The following SHISA9 variants were observed in gnomAD, a reference collection of about 807,000 sequenced individuals.
The protein encoded by SHISA9 is protein shisa-9.
SHISA9 carries 13 observed loss-of-function variants against 38.0 expected under a neutral mutation model. The observed-to-expected ratio is 0.34, with a 90% CI of 0.22 to 0.54. The LOEUF (loss-of-function observed/expected upper bound fraction) is 0.54. Ranked by LOEUF, SHISA9 falls within the 20% of genes least tolerant of loss-of-function variation. The pLI, the probability that SHISA9 is intolerant of heterozygous loss-of-function variation, is 0.91. For synonymous variants in SHISA9, 275 were observed against 242.0 expected, an observed-to-expected ratio of 1.14 and a Z score of -1.27; for missense variants, 538 against 575.8, an observed-to-expected ratio of 0.93 and a Z score of 0.67.
chr16:13,204,175 TATC>T (rs2051038936), intron 3 of SHISA9, among the ~76,000 whole-genome samples: 3 of 151,158 alleles, frequency 2.0e-5, no homozygotes, highest in Non-Finnish European at 2.9e-5. Context: ...TCTATTTATC[TATC>T]ATCTTTCTAT....
At chr16:13,514,812 A>G in the SHISA9 span, among the ~76,000 whole-genome samples, 5 of 152,184 alleles carry the variant, frequency 3.3e-5, no homozygotes, top group Non-Finnish European at 7.3e-5. Flanking sequence ...AAAAATGAAG[A>G]AAACCGCATC....
chr16:13,069,167 G>A (rs1323464306), intron 2 of SHISA9, among the ~76,000 whole-genome samples: 2 of 149,384 alleles, frequency 1.3e-5, no homozygotes, highest in Non-Finnish European at 2.9e-5. Context: ...GTATATATGT[G>A]TGTACATGCA....
the SHISA9 span, among the ~76,000 whole-genome samples, chr16:13,294,324 G>A: frequency 7.9e-5 from 12 of 152,280 alleles, no homozygotes; most frequent in South Asian, 2.1e-4. Context: ...TTGTTAATAC[G>A]TCTGCAAATC....
chr16:12,935,001 T>C (rs956690835), intron 2 of SHISA9, among the ~76,000 whole-genome samples: 1 of 82,320 alleles, frequency 1.2e-5, no homozygotes, highest in African/African-American at 3.9e-5. Context: ...CCTGCTGATA[T>C]GAATTATTCC....
the SHISA9 span, among the ~76,000 whole-genome samples, chr16:13,306,881 G>A: frequency 1.3e-5 from 2 of 152,120 alleles, no homozygotes; most frequent in Admixed American, 6.5e-5. Context: ...ATGTATGTGT[G>A]TATATATACA....
chr16:13,203,954 G>C (rs1290746025), intron 3 of SHISA9, among the ~76,000 whole-genome samples: 1 of 150,008 alleles, frequency 6.7e-6, no homozygotes, highest in Non-Finnish European at 1.5e-5. Flanking sequence ...CCTATCATCT[G>C]TCTGTCTATC....
chr16:13,537,961 C>A, the SHISA9 span, among the ~76,000 whole-genome samples: 1 of 152,016 alleles, frequency 6.6e-6, no homozygotes. Context: ...CTACTTTTTT[C>A]ATCTTTTTTG....
chr16:12,985,216 C>CG, intron 2 of SHISA9, among the ~76,000 whole-genome samples: 1 of 146,962 alleles, frequency 6.8e-6, no homozygotes, highest in East Asian at 2.0e-4. Flanking sequence ...CTATATCTGT[C>CG]AACGAAAAAT....
At chr16:13,541,898 G>C in the SHISA9 span, among the ~76,000 whole-genome samples, 1 of 152,202 alleles carries the variant, frequency 6.6e-6, no homozygotes. Context: ...ATACTGGGTC[G>C]AATGCTGCCC....
At chr16:13,491,559 G>T in the SHISA9 span, among the ~76,000 whole-genome samples, 1 of 151,914 alleles carries the variant, frequency 6.6e-6, no homozygotes, top group Non-Finnish European at 1.5e-5. Flanking sequence ...CACCATCTCA[G>T]CTCCTACAAC....
intron 2 of SHISA9, among the ~76,000 whole-genome samples, chr16:13,157,057 T>A (rs2050553657): frequency 6.6e-6 from 1 of 152,212 alleles, no homozygotes; most frequent in African/African-American, 2.4e-5. Context: ...GTTTCTGTGT[T>A]CCACTCTTTC....
chr16:13,149,061 ACTG>A (rs1438440701), intron 2 of SHISA9, among the ~76,000 whole-genome samples: 2 of 152,112 alleles, frequency 1.3e-5, no homozygotes, highest in African/African-American at 4.8e-5. Flanking sequence ...AGGGATATTT[ACTG>A]CTGTGGTGAA....
chr16:13,090,688 A>T (rs746630278), intron 2 of SHISA9, among the ~76,000 whole-genome samples: 8 of 152,142 alleles, frequency 5.3e-5, no homozygotes, highest in African/African-American at 1.9e-4. Flanking sequence ...TTTTGAGCCT[A>T]TGTGCATCGT....
intron 4 of SHISA9, among the ~76,000 whole-genome samples, chr16:13,221,162 GGT>G (rs2051221006): frequency 6.6e-6 from 1 of 152,150 alleles, no homozygotes; most frequent in Non-Finnish European, 1.5e-5. Context: ...GGAAAGATAT[GGT>G]GCCCCGTGGG....
the SHISA9 span, among the ~76,000 whole-genome samples, chr16:13,425,289 C>G: frequency 1.3e-5 from 2 of 152,160 alleles, no homozygotes; most frequent in Non-Finnish European, 2.9e-5. Flanking sequence ...AGGTCTGAGA[C>G]CAGCCTTGCC....
chr16:13,449,366 T>C, the SHISA9 span, among the ~76,000 whole-genome samples: 2 of 152,248 alleles, frequency 1.3e-5, no homozygotes, highest in Non-Finnish European at 2.9e-5. Context: ...GACACTCACT[T>C]ATTCTTTCTA....
At chr16:13,388,077 C>G in the SHISA9 span, among the ~76,000 whole-genome samples, 1 of 152,168 alleles carries the variant, frequency 6.6e-6, no homozygotes, top group Non-Finnish European at 1.5e-5. Flanking sequence ...ACAGCCCATT[C>G]CATCCTGGGA....
chr16:13,132,581 C>T (rs973571403), intron 2 of SHISA9, among the ~76,000 whole-genome samples: 21 of 152,110 alleles, frequency 1.4e-4, no homozygotes, highest in Non-Finnish European at 2.6e-4. Flanking sequence ...AAAATATGTC[C>T]TGACATTGCC....
In SHISA9 at chr16:12,961,808, C is replaced by G. The variant is rs1051085742; in HGVS notation, c.691+44993C>G. Among the ~76,000 whole-genome samples the G allele has an allele frequency of 3.3e-5, 5 of 152,214 alleles. No homozygotes were observed. In the East Asian group the frequency reaches 9.6e-4, roughly 29 times the overall value. ...CCTGTGAACAGCGAGTTCCTTGCGA[C>G]AAGTCAGGTTTCAGCTGAGCCCTGC... On this transcript the variant is annotated intron_variant, in intron 2 of 4. Transcript: ENST00000558583.
Sources: gnomAD v4.1 joint callset for allele counts (sites outside exome capture counted in the v4.1 genomes callset) on GRCh38, gnomAD v4.1.1 for gene constraint, MANE v1.5 for transcripts, NCBI Gene and HGNC (gene_info 2026-07-23, HGNC 2026-07-21) for gene names.